The following SUMF1 variants were observed in gnomAD, a reference collection of about 807,000 sequenced individuals.
SUMF1 encodes the protein formylglycine-generating enzyme.
In SUMF1, 48 loss-of-function variants were observed where a neutral mutation model predicts 47.6. The ratio of observed to expected loss-of-function variants is 1.01; its 90% CI spans 0.80 to 1.28. The LOEUF (loss-of-function observed/expected upper bound fraction) is 1.28. Ranked by LOEUF, SUMF1 falls within the 50% of genes most tolerant of loss-of-function variation. The pLI is 0.00. For synonymous variants in SUMF1, 230 were observed against 192.1 expected (o/e 1.20, Z -1.63); for missense variants, 571 against 485.4 (o/e 1.18, Z -1.66).
At chr3:4,362,781 G>T (rs1474792231) in intron 8 of SUMF1, among the ~76,000 whole-genome samples, 1 of 152,112 alleles carries the variant, frequency 6.6e-6, no homozygotes, top group Non-Finnish European at 1.5e-5. Context: ...GAGCATGGTG[G>T]TGTGCACTTG....
intron 8 of SUMF1, among the ~76,000 whole-genome samples, chr3:4,265,935 G>T (rs1344717561): frequency 2.6e-5 from 4 of 151,954 alleles, no homozygotes; most frequent in African/African-American, 9.7e-5. Flanking sequence ...TCCAGTTTCA[G>T]CTTTCTACAT....
At chr3:4,403,015 A>T (rs1203624011) in intron 7 of SUMF1, among the ~76,000 whole-genome samples, 1 of 152,204 alleles carries the variant, frequency 6.6e-6, no homozygotes, top group African/African-American at 2.4e-5. Context: ...TCACAGTAAC[A>T]GTAGGCGTGC....
intron 9 of SUMF1, among the ~76,000 whole-genome samples, chr3:4,046,267 G>A (rs923721109): frequency 3.3e-5 from 5 of 152,136 alleles, no homozygotes; most frequent in Admixed American, 2.0e-4. Context: ...CTCTTAGGTT[G>A]AGAAGCTTTC....
chr3:4,424,857 T>C (rs1424978080), intron 3 of SUMF1, among the ~76,000 whole-genome samples: 2 of 152,240 alleles, frequency 1.3e-5, no homozygotes, highest in East Asian at 3.8e-4. Flanking sequence ...TAGACATTTT[T>C]AGAATGAGTG....
At chr3:4,110,224 G>A (rs1559479112) in intron 8 of SUMF1, among the ~76,000 whole-genome samples, 1 of 152,132 alleles carries the variant, frequency 6.6e-6, no homozygotes, top group Non-Finnish European at 1.5e-5. Context: ...CAGCAGCGGA[G>A]GCTGCAGAAC....
At chr3:4,303,747 C>G (rs575280069) in intron 8 of SUMF1, 1 of 1,483,998 alleles carries the variant, frequency 6.7e-7, no homozygotes, top group African/African-American at 1.4e-5. Context: ...CAGTCCATTC[C>G]CTGAAGCGCA....
rs114908240 is a variant in SUMF1 at position 4,228,285 on chromosome 3, T to C, written c.1014+148045A>G. On this transcript the variant is annotated intron_variant and NMD_transcript_variant, in intron 8 of 12. Coordinates refer to the SUMF1 transcript ENST00000448413. ...CCTGCTCTAACTCAAAACATAGTTA[T>C]CCACATACCAAGCCACCCTACTATG... 1.7e-3 allele frequency among the ~76,000 whole-genome samples: 264 copies of C among 152,216 alleles called. 1 individual carries two copies. Among genetic ancestry groups the C allele is most frequent in the African/African-American group, 6.1e-3 (253 of 41,550 alleles).
At chr3:4,325,608 T>TACACACAC (rs139250144) in intron 8 of SUMF1, among the ~76,000 whole-genome samples, 129 of 149,382 alleles carry the variant, frequency 8.6e-4, no homozygotes, top group African/African-American at 2.8e-3. Flanking sequence ...TATATATGTG[T>TACACACAC]ACACACACAC....
At chr3:4,417,815 C>T (rs1202662373) in intron 5 of SUMF1, among the ~76,000 whole-genome samples, 195 bp downstream of exon 5, 4 of 152,228 alleles carry the variant, frequency 2.6e-5, no homozygotes, top group Non-Finnish European at 5.9e-5. Flanking sequence ...CTTGGCCAGA[C>T]ACTTGGTTTA....
chr3:4,055,433 T>A (rs959602884), intron 9 of SUMF1, among the ~76,000 whole-genome samples: 1 of 152,176 alleles, frequency 6.6e-6, no homozygotes, highest in Non-Finnish European at 1.5e-5. Flanking sequence ...TCCCACAACC[T>A]TAGCAGCTTA....
intron 9 of SUMF1, among the ~76,000 whole-genome samples, chr3:4,056,282 T>C (rs1695190518): frequency 1.3e-5 from 2 of 152,164 alleles, no homozygotes; most frequent in Admixed American, 1.3e-4. Context: ...GTAATTCTCA[T>C]TGAATTTTCT....
At chr3:4,391,127 T>C (rs893200531) in intron 7 of SUMF1, among the ~76,000 whole-genome samples, 1 of 152,188 alleles carries the variant, frequency 6.6e-6, no homozygotes, top group Non-Finnish European at 1.5e-5. Flanking sequence ...TGATCAGAAA[T>C]CAGCTATTAA....
intron 8 of SUMF1, among the ~76,000 whole-genome samples, chr3:4,311,817 G>T (rs1053233795): frequency 3.3e-5 from 5 of 152,096 alleles, no homozygotes; most frequent in African/African-American, 7.2e-5. Flanking sequence ...AATAAAGCAG[G>T]TATAAAATGG....
At chr3:4,460,810 ACAC>A (rs2079796102) in intron 1 of SUMF1, among the ~76,000 whole-genome samples, 1 of 151,696 alleles carries the variant, frequency 6.6e-6, no homozygotes, top group Non-Finnish European at 1.5e-5. Context: ...GTGAACACCA[ACAC>A]ACCCTGCTAA....
chr3:4,186,862 T>A (rs937463274), intron 8 of SUMF1, among the ~76,000 whole-genome samples: 1 of 152,208 alleles, frequency 6.6e-6, no homozygotes, highest in Non-Finnish European at 1.5e-5. Context: ...CTCTTTCTTC[T>A]CTGTGTTCCT....
intron 7 of SUMF1, among the ~76,000 whole-genome samples, chr3:4,404,384 C>T (rs1285473620): frequency 6.6e-6 from 1 of 152,162 alleles, no homozygotes; most frequent in Non-Finnish European, 1.5e-5. Flanking sequence ...TTATCACTTT[C>T]GTGCTTTTTT....
In SUMF1 at chr3:4,362,126, G is replaced by T. The variant is rs1699782122; in HGVS notation, c.*18C>A. ...AGACACGACTGCTCCTTGGACTGGG[G>T]AAGACTTTCCTTGGTTGTCAGTCCA... On this transcript the variant is annotated 3_prime_UTR_variant, in exon 9 of 9. Transcript: ENST00000272902. The T allele has an allele frequency of 3.1e-6, 5 of 1,611,832 alleles. No individual in the cohort carries two copies. The highest frequency in any genetic ancestry group is 4.2e-6 in the Non-Finnish European group (5 of 1,178,234).
chr3:4,274,250 A>G (rs538700912), intron 8 of SUMF1, among the ~76,000 whole-genome samples: 17 of 152,254 alleles, frequency 1.1e-4, no homozygotes, highest in Non-Finnish European at 2.1e-4. Flanking sequence ...TGTTTGACCA[A>G]CTTCCCTTTT....
intron 7 of SUMF1, among the ~76,000 whole-genome samples, chr3:4,386,417 T>C (rs1278365643): frequency 6.6e-6 from 1 of 152,162 alleles, no homozygotes; most frequent in Admixed American, 6.5e-5. Context: ...TGTTTGTTGT[T>C]AGTCTTACAA....
Sources: gnomAD v4.1 joint callset for allele counts (sites outside exome capture counted in the v4.1 genomes callset) on GRCh38, gnomAD v4.1.1 for gene constraint, MANE v1.5 for transcripts, NCBI Gene and HGNC (gene_info 2026-07-23, HGNC 2026-07-21) for gene names.